Variants in KAZN observed in about 807,000 individuals in gnomAD.
KAZN encodes kazrin, periplakin interacting protein, also known as kazrin.
KAZN carries 40 observed loss-of-function variants against 87.4 expected under a neutral mutation model. The ratio of observed to expected loss-of-function variants is 0.46; its 90% confidence interval spans 0.36 to 0.60. The LOEUF (loss-of-function observed/expected upper bound fraction) is 0.60. Among genes scored for constraint, KAZN ranks in the 20% least tolerant of loss-of-function variants. KAZN has a pLI of 0.00. For synonymous variants in KAZN, 466 were observed against 458.3 expected, an observed-to-expected ratio of 1.02 and a Z score of -0.22; for missense variants, 898 against 1,073.9, an observed-to-expected ratio of 0.84 and a Z score of 2.29.
chr1:13,893,878 A>G, intron 1 of KAZN: 1 of 1,195,314 alleles, frequency 8.4e-7, no homozygotes, highest in Non-Finnish European at 1.2e-6. Context: ...CTCTTTCTTG[A>G]TATAATGTGG....
intron 2 of KAZN, among the ~76,000 whole-genome samples, chr1:15,020,398 G>A (rs903996717): frequency 2.6e-5 from 4 of 152,048 alleles, no homozygotes; most frequent in East Asian, 3.9e-4. Flanking sequence ...GACCTCATTC[G>A]CTTCCCAGAA....
chr1:14,792,014 C>T (rs943123420), intron 1 of KAZN, among the ~76,000 whole-genome samples: 1 of 151,116 alleles, frequency 6.6e-6, no homozygotes, highest in African/African-American at 2.4e-5. Flanking sequence ...TTTCCAAATG[C>T]TTTTCATGTT....
rs548162472 is a variant in KAZN at position 14,414,324 on chromosome 1, T to G, written c.250-184659T>G. ...ACTGGTAAAGCCAAAGAGTATTTAC[T>G]GCAGCACTATTTGTCATAGGAAAAA... is the stretch of plus-strand genomic sequence containing the variant. On this transcript the variant is annotated intron_variant, in intron 2 of 16. Transcript: ENST00000636203. 3.4e-5 allele frequency among the ~76,000 whole-genome samples: 5 copies of G among 146,142 alleles called. No homozygotes were observed. In the East Asian group the frequency reaches 1.0e-3, roughly 30 times the overall value.
intron 1 of KAZN, among the ~76,000 whole-genome samples, chr1:14,060,042 C>T (rs1253074981): frequency 6.6e-6 from 1 of 152,280 alleles, no homozygotes; most frequent in East Asian, 1.9e-4. Context: ...CTATTAAAAA[C>T]AGTTTGGATT....
chr1:14,926,360 C>T (rs1218038176), intron 1 of KAZN, among the ~76,000 whole-genome samples: 1 of 152,166 alleles, frequency 6.6e-6, no homozygotes, highest in African/African-American at 2.4e-5. Context: ...TCATAATATC[C>T]TAATGACACG....
intron 1 of KAZN, among the ~76,000 whole-genome samples, chr1:14,768,293 C>G (rs949005850): frequency 2.6e-5 from 4 of 152,122 alleles, no homozygotes; most frequent in Non-Finnish European, 4.4e-5. Context: ...ACTAATAAGA[C>G]TAGTATTTGT....
At chr1:14,137,802 G>A (rs1484481289) in intron 1 of KAZN, among the ~76,000 whole-genome samples, 1 of 147,884 alleles carries the variant, frequency 6.8e-6, no homozygotes, top group Non-Finnish European at 1.5e-5. Flanking sequence ...TCCTCTTCCT[G>A]GGTTTAAGCG....
chr1:14,269,427 A>C (rs973494500), intron 2 of KAZN, among the ~76,000 whole-genome samples: 5 of 152,174 alleles, frequency 3.3e-5, no homozygotes, highest in African/African-American at 1.2e-4. Flanking sequence ...ATATTTTTCA[A>C]AGAAAATAGG....
intron 1 of KAZN, among the ~76,000 whole-genome samples, chr1:14,831,271 C>A (rs1020303750): frequency 6.6e-6 from 1 of 152,214 alleles, no homozygotes; most frequent in African/African-American, 2.4e-5. Context: ...AGAAAACCCT[C>A]GGTTGTCCTC....
chr1:14,697,112 C>T (rs1572249010), intron 1 of KAZN, among the ~76,000 whole-genome samples: 2 of 111,260 alleles, frequency 1.8e-5, no homozygotes, highest in African/African-American at 3.4e-5. Context: ...GGCAACAAAG[C>T]AAGATCTTAT....
intron 2 of KAZN, among the ~76,000 whole-genome samples, chr1:14,542,366 G>A (rs1672866243): frequency 6.6e-6 from 1 of 151,534 alleles, no homozygotes; most frequent in African/African-American, 2.4e-5. Flanking sequence ...AATGGGTGCA[G>A]CACACCAACA....
chr1:14,460,206 G>A (rs1457751419), intron 2 of KAZN, among the ~76,000 whole-genome samples: 1 of 152,166 alleles, frequency 6.6e-6, no homozygotes, highest in Non-Finnish European at 1.5e-5. Flanking sequence ...GACACCATCT[G>A]GCCAAGAACT....
intron 2 of KAZN, among the ~76,000 whole-genome samples, chr1:14,307,562 T>G (rs1655014068): frequency 6.6e-6 from 1 of 152,210 alleles, no homozygotes; most frequent in Non-Finnish European, 1.5e-5. Context: ...CCAAGACCAT[T>G]ATCTATGCTA....
intron 1 of KAZN, among the ~76,000 whole-genome samples, chr1:14,607,945 C>A (rs1021492333): frequency 1.3e-5 from 2 of 152,198 alleles, no homozygotes; most frequent in African/African-American, 2.4e-5. Flanking sequence ...CCTCAATTTA[C>A]CTTCATATTA....
At chr1:14,916,170 C>CTTTTTTTT (rs71307000) in intron 1 of KAZN, among the ~76,000 whole-genome samples, 7 of 113,576 alleles carry the variant, frequency 6.2e-5, no homozygotes, top group African/African-American at 1.7e-4. Context: ...CACTGTTGTT[C>CTTTTTTTT]TTTTTTTTTT....
chr1:14,364,815 T>C (rs749723982), intron 2 of KAZN, among the ~76,000 whole-genome samples: 5 of 152,014 alleles, frequency 3.3e-5, no homozygotes, highest in Non-Finnish European at 7.3e-5. Context: ...GTTCCTTGGC[T>C]TGTGGCCGCA....
rs7536472 is a variant in KAZN, at chr1:14,789,885, G to A, written c.227-170799G>A. On this transcript the variant is annotated intron_variant, in intron 1 of 14. Coordinates refer to ENST00000376030, the MANE Select transcript of KAZN (RefSeq NM_201628.3). Reference sequence around the variant, plus strand: ...TCTGGCTACAAATTGCTCCAGGCACGGAGTAGATGACATCTCCTAACCACC... The same window carrying A: ...TCTGGCTACAAATTGCTCCAGGCACAGAGTAGATGACATCTCCTAACCACC... Among the ~76,000 whole-genome samples, 559 of 151,600 alleles carry A rather than the reference G, an allele frequency of 3.7e-3. 2 individuals are homozygous for A. Among genetic ancestry groups the A allele is most frequent in the African/African-American group, 0.012 (517 of 41,372 alleles).
At chr1:14,392,331 C>T (rs1444935469) in intron 2 of KAZN, among the ~76,000 whole-genome samples, 2 of 152,132 alleles carry the variant, frequency 1.3e-5, no homozygotes, top group Admixed American at 6.5e-5. Flanking sequence ...CCTTCTCCAG[C>T]CTGCACGATG....
chr1:13,974,211 C>G (rs1255587298), intron 1 of KAZN, among the ~76,000 whole-genome samples: 2 of 152,158 alleles, frequency 1.3e-5, no homozygotes, highest in African/African-American at 4.8e-5. Context: ...CTAGCATGTA[C>G]CAAAACTCCA....
Sources: allele counts gnomAD v4.1 joint callset (sites outside exome capture counted in the v4.1 genomes callset), GRCh38; gene constraint gnomAD v4.1.1; transcripts MANE v1.5; gene names NCBI Gene and HGNC (gene_info 2026-07-23, HGNC 2026-07-21).